MARCHF1: variants seen among roughly 807,000 people sequenced by gnomAD.
The protein encoded by MARCHF1 is membrane associated ring-CH-type finger 1.
In MARCHF1, 40 loss-of-function variants were observed where a neutral mutation model predicts 54.2. That is an observed-to-expected ratio of 0.74 (90% CI 0.57 to 0.96). The LOEUF (loss-of-function observed/expected upper bound fraction) is 0.96, where lower values mean the gene tolerates loss of function less well. Ranked by LOEUF, MARCHF1 falls within the 40% of genes least tolerant of loss-of-function variation. The pLI, the probability that MARCHF1 is intolerant of heterozygous loss-of-function variation, is 0.00. For synonymous variants in MARCHF1, 236 were observed against 236.3 expected, an observed-to-expected ratio of 1.00 and a Z score of 0.01; for missense variants, 586 against 656.5, an observed-to-expected ratio of 0.89 and a Z score of 1.17.
chr4:164,269,012 T>G (rs904458693), intron 1 of MARCHF1, among the ~76,000 whole-genome samples: 6 of 152,186 alleles, frequency 3.9e-5, no homozygotes, highest in African/African-American at 1.4e-4. Flanking sequence ...CTAACAATTT[T>G]GGGGTTTATA....
rs149142676 is a variant in MARCHF1, at chr4:163,768,229, ACTTCTC to A, written c.112-67372_112-67367del. ...CTTGAAGCATTTAGCTTTCAATTTAACTTCTCCTTCTCAGTTGGAGATCCTCACTCC... is the reference window on the plus strand; with the variant it reads ...CTTGAAGCATTTAGCTTTCAATTTAACTTCTCAGTTGGAGATCCTCACTCC... On this transcript the variant is annotated intron_variant, in intron 4 of 9. Transcript: ENST00000514618. Among the ~76,000 whole-genome samples the A allele has an allele frequency of 1.2e-4, 19 of 152,316 alleles. No homozygotes were observed. The East Asian group carries it at 2.9e-3, about 23-fold the overall frequency.
rs1250130598 is a variant in MARCHF1, at chr4:164,356,208, C to T, written c.-323+27662G>A. On this transcript the variant is annotated intron_variant, in intron 1 of 9. Coordinates refer to ENST00000514618, the MANE Select transcript of MARCHF1 (RefSeq NM_001394959.1). ...TCAACCATTGTGGAAGTCAGTGTGGCGATTCCTCAGGGATCTAGAACTAGA... is the reference window on the plus strand; with the variant it reads ...TCAACCATTGTGGAAGTCAGTGTGGTGATTCCTCAGGGATCTAGAACTAGA... Among the ~76,000 whole-genome samples the T allele has an allele frequency of 1.2e-3, 125 of 103,992 alleles. 8 individuals carry two copies. The highest frequency in any genetic ancestry group is 2.3e-3 in the South Asian group (7 of 3,022). 68.2% of individuals were successfully genotyped at this position (103,992 alleles called of 152,430 possible). A position where few individuals can be genotyped will look rare whatever the true frequency, so the allele number is the denominator to read the frequency against.
intron 1 of MARCHF1, among the ~76,000 whole-genome samples, chr4:164,378,562 G>C (rs1244268844): frequency 6.6e-6 from 1 of 152,202 alleles, no homozygotes; most frequent in African/African-American, 2.4e-5. Context: ...CTACGCCTTG[G>C]CATCTGGGAG....
intron 3 of MARCHF1, among the ~76,000 whole-genome samples, chr4:163,869,534 C>T (rs911885085): frequency 6.6e-6 from 1 of 151,998 alleles, no homozygotes; most frequent in Admixed American, 6.6e-5. Flanking sequence ...CCAGAATTCA[C>T]AATCAAATAA....
intron 1 of MARCHF1, among the ~76,000 whole-genome samples, chr4:164,210,112 A>G (rs1033595095): frequency 5.9e-5 from 9 of 152,324 alleles, no homozygotes; most frequent in African/African-American, 2.2e-4. Context: ...AAGCATTTAA[A>G]CACAAACAAA....
intron 1 of MARCHF1, among the ~76,000 whole-genome samples, chr4:164,307,505 T>A (rs1734727173): frequency 6.6e-6 from 1 of 152,218 alleles, no homozygotes; most frequent in South Asian, 2.1e-4. Flanking sequence ...TTCCCAACCC[T>A]GTGTAATCCT....
At chr4:164,062,501 C>T (rs527694182) in intron 2 of MARCHF1, among the ~76,000 whole-genome samples, 2 of 152,146 alleles carry the variant, frequency 1.3e-5, no homozygotes, top group South Asian at 2.1e-4. Flanking sequence ...TACAACATTA[C>T]AAAATTTTTC....
chr4:164,153,457 T>A (rs1040268151), intron 1 of MARCHF1, among the ~76,000 whole-genome samples: 5 of 152,114 alleles, frequency 3.3e-5, no homozygotes, highest in African/African-American at 1.2e-4. Flanking sequence ...GTTTGAAATA[T>A]TGAAAATTAG....
chr4:164,280,498 G>C (rs1449968789), intron 1 of MARCHF1, among the ~76,000 whole-genome samples: 1 of 151,972 alleles, frequency 6.6e-6, no homozygotes, highest in Non-Finnish European at 1.5e-5. Flanking sequence ...TGAAACAACT[G>C]GCTAACCATT....
intron 1 of MARCHF1, among the ~76,000 whole-genome samples, chr4:164,306,992 T>C (rs1031637200): frequency 6.6e-6 from 1 of 152,212 alleles, no homozygotes; most frequent in African/African-American, 2.4e-5. Context: ...CCTGTAATGA[T>C]TTTCTTCTCA....
At chr4:164,192,482 T>A (rs866659094) in intron 1 of MARCHF1, among the ~76,000 whole-genome samples, 3 of 152,196 alleles carry the variant, frequency 2.0e-5, no homozygotes, top group African/African-American at 7.2e-5. Context: ...AAAAAGTTAG[T>A]GATCTCTGAC....
intron 2 of MARCHF1, among the ~76,000 whole-genome samples, chr4:164,041,101 T>C (rs192902027): frequency 1.3e-5 from 2 of 152,256 alleles, no homozygotes; most frequent in Admixed American, 1.3e-4. Flanking sequence ...TTACCACATA[T>C]TGTATTGTGA....
At chr4:164,369,816 A>G (rs965839627) in intron 1 of MARCHF1, among the ~76,000 whole-genome samples, 4 of 152,190 alleles carry the variant, frequency 2.6e-5, no homozygotes, top group Non-Finnish European at 4.4e-5. Flanking sequence ...ACGAACATCT[A>G]TCTAGCCTAC....
intron 5 of MARCHF1, among the ~76,000 whole-genome samples, chr4:163,678,159 A>G (rs565587137): frequency 6.6e-6 from 1 of 152,242 alleles, no homozygotes; most frequent in South Asian, 2.1e-4. Context: ...GTTCTTCCCT[A>G]TTTCTTATAC....
At chr4:164,366,895 T>G (rs771233772) in intron 1 of MARCHF1, among the ~76,000 whole-genome samples, 33 of 145,098 alleles carry the variant, frequency 2.3e-4, no homozygotes, top group Non-Finnish European at 2.1e-4. Flanking sequence ...AATTTACTCA[T>G]TATTTATGTC....
intron 1 of MARCHF1, among the ~76,000 whole-genome samples, chr4:164,376,586 G>T (rs909376174): frequency 1.3e-5 from 2 of 152,132 alleles, no homozygotes; most frequent in African/African-American, 4.8e-5. Flanking sequence ...TCCATGGCCG[G>T]TTGAGGCTCC....
At chr4:163,666,211 G>A (rs978266475) in intron 5 of MARCHF1, among the ~76,000 whole-genome samples, 13 of 152,170 alleles carry the variant, frequency 8.5e-5, no homozygotes, top group East Asian at 1.9e-4. Context: ...AAACCATAAC[G>A]TGTCATTTGA....
At chr4:164,358,507 C>T (rs550844521) in intron 1 of MARCHF1, among the ~76,000 whole-genome samples, 1 of 152,226 alleles carries the variant, frequency 6.6e-6, no homozygotes, top group Non-Finnish European at 1.5e-5. Context: ...AACAGGATAT[C>T]TGAAATTAGT....
At chr4:164,207,262 G>A (rs1158404826) in intron 1 of MARCHF1, among the ~76,000 whole-genome samples, 1 of 152,146 alleles carries the variant, frequency 6.6e-6, no homozygotes, top group Non-Finnish European at 1.5e-5. Context: ...TTACAGCACT[G>A]CCAATTTGGA....
Sources: allele counts gnomAD v4.1 joint callset (sites outside exome capture counted in the v4.1 genomes callset), GRCh38; gene constraint gnomAD v4.1.1; transcripts MANE v1.5; gene names NCBI Gene and HGNC (gene_info 2026-07-23, HGNC 2026-07-21).